Variants in SYNRG observed in about 807,000 individuals in gnomAD.
SYNRG encodes the protein synergin gamma.
Under a neutral mutation model 130.9 loss-of-function variants are expected in SYNRG, and 37 were observed. That is an observed-to-expected ratio of 0.28 (90% CI 0.22 to 0.37). SYNRG has a LOEUF of 0.37. Among genes scored for constraint, SYNRG ranks in the 10% least tolerant of loss-of-function variants. The pLI, the probability that SYNRG is intolerant of heterozygous loss-of-function variation, is 1.00. For missense variants in SYNRG, 1,338 were observed against 1,588.9 expected (o/e 0.84, Z 2.68); for synonymous variants, 539 against 568.1 (o/e 0.95, Z 0.73).
intron 15 of SYNRG, chr17:37,540,847 CT>C (rs1355447281): frequency 4.3e-6 from 4 of 927,550 alleles, no homozygotes; most frequent in Non-Finnish European, 5.3e-6. Flanking sequence ...GTTGGCCAGG[CT>C]GGTCTCGAAC....
chr17:37,572,383 G>A (rs1480587000), intron 8 of SYNRG, among the ~76,000 whole-genome samples: 2 of 151,326 alleles, frequency 1.3e-5, no homozygotes, highest in Non-Finnish European at 1.5e-5. Context: ...CTAAGATCAC[G>A]ACTCTGCACT....
At chr17:37,540,897 G>T in intron 15 of SYNRG, 1 of 1,011,358 alleles carries the variant, frequency 9.9e-7, no homozygotes, top group Non-Finnish European at 1.2e-6. Context: ...CCCTCCCAAA[G>T]CGTTGAGATT....
intron 14 of SYNRG, among the ~76,000 whole-genome samples, chr17:37,545,760 G>T (rs981578387): frequency 6.6e-6 from 1 of 152,180 alleles, no homozygotes. Context: ...TTAAAATGAA[G>T]AGCAAATATA....
intron 10 of SYNRG, among the ~76,000 whole-genome samples, chr17:37,569,760 T>C (rs1457868357): frequency 6.7e-6 from 1 of 148,282 alleles, no homozygotes; most frequent in African/African-American, 2.5e-5. Flanking sequence ...CACAAGCTCA[T>C]CATAACCAAT....
intron 2 of SYNRG, 80 bp from the exon 3 acceptor site, chr17:37,596,424 T>C: frequency 6.6e-7 from 1 of 1,526,076 alleles, no homozygotes; most frequent in African/African-American, 1.4e-5. Context: ...AAAGGACTTG[T>C]TACTTGGCAG....
intron 13 of SYNRG, 44 bp from the exon 14 acceptor site, chr17:37,554,103 A>C (rs770038558): frequency 6.5e-7 from 1 of 1,545,132 alleles, no homozygotes; most frequent in Admixed American, 2.1e-5. Context: ...TGCTGAACTG[A>C]AAACCATATA....
intron 15 of SYNRG, 25 bp from the exon 16 acceptor site, chr17:37,540,568 A>C: frequency 1.2e-6 from 2 of 1,609,728 alleles, no homozygotes; most frequent in Non-Finnish European, 1.7e-6. Flanking sequence ...TAATACAGTC[A>C]AAGGTTTTGG....
intron 1 of SYNRG, among the ~76,000 whole-genome samples, chr17:37,604,577 TA>T (rs1298697397): frequency 2.6e-5 from 4 of 152,236 alleles, no homozygotes; most frequent in Non-Finnish European, 5.9e-5. Context: ...ATATCAGCAA[TA>T]AAGCTGTTTT....
chr17:37,570,786 T>TG lies in SYNRG; in HGVS notation c.1197_1198insC (p.Ser400GlnfsTer26). 1.2e-6 allele frequency: 2 copies of TG among 1,614,136 alleles called. No individual in the cohort carries two copies. Among genetic ancestry groups the TG allele is most frequent in the Non-Finnish European group, 1.7e-6 (2 of 1,180,024 alleles). On this transcript the variant is annotated frameshift_variant, in exon 10 of 22. Transcript: ENST00000612223. LOFTEE classifies it high-confidence loss of function. Reference sequence around the variant, plus strand: ...CCTGAAGGTATCACAGTTGGCTGACTCACCGGTGTAGGCAGAGTCATAGAA... The same window carrying TG: ...CCTGAAGGTATCACAGTTGGCTGACTGCACCGGTGTAGGCAGAGTCATAGAA...
At chr17:37,581,271 T>TTAC in intron 6 of SYNRG, among the ~76,000 whole-genome samples, 1 of 136,420 alleles carries the variant, frequency 7.3e-6, no homozygotes, top group Non-Finnish European at 1.6e-5. Context: ...ATTATTATTA[T>TTAC]TACTATTATT....
Position 37,580,510 on chromosome 17 carries a change from T to TGTGTGTGTGAGAGA in SYNRG, c.590-2898_590-2897insTCTCTCACACACAC, listed in dbSNP as rs1384344164. 7.5e-4 allele frequency among the ~76,000 whole-genome samples: 96 copies of TGTGTGTGTGAGAGA among 127,714 alleles called. 1 individual carries two copies. The highest frequency in any genetic ancestry group is 2.9e-3 in the African/African-American group (81 of 27,462). The allele number at this position is 127,714 out of a possible 152,430, so 83.8% of individuals were successfully genotyped here. A position where few individuals can be genotyped will look rare whatever the true frequency, so the allele number is the denominator to read the frequency against. On this transcript the variant is annotated intron_variant, in intron 6 of 21. Transcript: ENST00000612223. ...GTGTGTGTGTGTGTGTGTGTGTGTG[T>TGTGTGTGTGAGAGA]GAGAGAGAGAGAGAGAGAGAGAGAG...
At chr17:37,546,724 T>C (rs2058308755) in intron 14 of SYNRG, among the ~76,000 whole-genome samples, 2 of 152,222 alleles carry the variant, frequency 1.3e-5, no homozygotes, top group Non-Finnish European at 2.9e-5. Flanking sequence ...TACTGGCTTT[T>C]GAAGGAGTTT....
intron 11 of SYNRG, among the ~76,000 whole-genome samples, chr17:37,566,462 T>C (rs2145855858): frequency 6.8e-6 from 1 of 146,272 alleles, no homozygotes; most frequent in Admixed American, 6.8e-5. Context: ...TCATCACCAC[T>C]CCCTAATCTC....
chr17:37,568,819 T>C lies in SYNRG; in HGVS notation c.1453A>G (p.Lys485Glu), dbSNP rs760303695. ...TTTCCATGCTGGGAGTTACTTGTTTTTGAAGAAGCAGGCAACTCTTGGAAA... is the reference window on the plus strand; with the variant it reads ...TTTCCATGCTGGGAGTTACTTGTTTCTGAAGAAGCAGGCAACTCTTGGAAA... Reference protein sequence around the residue: ...SDFQELPASSKTSNSQHGNSA... With the variant: ...SDFQELPASSETSNSQHGNSA... Residue 485 changes from lysine to glutamate, a missense_variant, in exon 11 of 22, where the codon AAA (lysine) becomes GAA (glutamate). This residue lies in a region of SYNRG where 1,146 missense variants were observed against 1,342.3 expected (regional missense o/e 0.85). Coordinates refer to ENST00000612223, the MANE Select transcript of SYNRG (RefSeq NM_007247.6). The C allele has an allele frequency of 1.2e-6, 2 of 1,614,128 alleles. No homozygotes were observed. The highest frequency in any genetic ancestry group is 8.5e-7 in the Non-Finnish European group (1 of 1,180,002).
rs1391945721 is a variant in SYNRG at position 37,538,383 on chromosome 17, C to A, written c.3458G>T (p.Ser1153Ile). Residue 1153 changes from serine to isoleucine, a missense_variant, in exon 18 of 22, where the codon AGT (serine) becomes ATT (isoleucine). Physicochemically the swap from Ser to Ile is moderately radical, Grantham distance 142. This residue lies in a region of SYNRG where 1,146 missense variants were observed against 1,342.3 expected (regional missense o/e 0.85). Transcript: ENST00000612223. ...KKANDTLNGI[S>I]SSSVCTEVIQ... ...TACTTCTGTGCAAACAGAACTACTA[C>A]TGATTCCATTTAAGGTATCATTTGC... The A allele has an allele frequency of 1.9e-6, 3 of 1,611,576 alleles. No individual in the cohort carries two copies. The highest frequency in any genetic ancestry group is 2.7e-5 in the African/African-American group (2 of 74,834).
chr17:37,576,332 C>T lies in SYNRG; in HGVS notation c.901+9G>A, dbSNP rs772085239. The stretch of plus-strand genomic sequence containing the variant: ...CAGATGGGAATCCTGGGTAAAGAAG[C>T]TTTTTTACCTGGAACCAAACTCTCA... On this transcript the variant is annotated intron_variant, in intron 8 of 21. Transcript: ENST00000612223. 12 of 1,612,766 alleles carry T rather than the reference C, an allele frequency of 7.4e-6. No homozygotes were observed. In the Admixed American group the frequency reaches 2.0e-4, roughly 27 times the overall value.
intron 13 of SYNRG, among the ~76,000 whole-genome samples, chr17:37,560,358 T>C (rs936961808): frequency 1.4e-5 from 2 of 148,048 alleles, no homozygotes; most frequent in Non-Finnish European, 3.0e-5. Flanking sequence ...TTTTTTGAGA[T>C]GGAATCTTGC....
chr17:37,532,020 A>G (rs2056682763), intron 19 of SYNRG, among the ~76,000 whole-genome samples: 1 of 152,236 alleles, frequency 6.6e-6, no homozygotes, highest in South Asian at 2.1e-4. Context: ...AACTTTGTGC[A>G]CTTAATTTGC....
At chr17:37,527,199 C>T (rs2056037152) in intron 19 of SYNRG, among the ~76,000 whole-genome samples, 1 of 152,146 alleles carries the variant, frequency 6.6e-6, no homozygotes, top group Admixed American at 6.5e-5. Flanking sequence ...AAAATTCAGG[C>T]GAATAACAAC....
Sources: gnomAD v4.1 joint callset for allele counts (sites outside exome capture counted in the v4.1 genomes callset) on GRCh38, gnomAD v4.1.1 for gene constraint, gnomAD v4.1.1 regional missense constraint, MANE v1.5 for transcripts, NCBI Gene and HGNC (gene_info 2026-07-23, HGNC 2026-07-21) for gene names.